Variants in LBH observed in about 807,000 individuals in gnomAD.
LBH encodes the protein protein LBH.
LBH carries 7 observed loss-of-function variants against 12.5 expected under a neutral mutation model. That is an observed-to-expected ratio of 0.56 (90% confidence interval 0.32 to 1.05). LBH has a LOEUF of 1.05. Among genes scored for constraint, LBH ranks in the 50% least tolerant of loss-of-function variants. The pLI, the probability that LBH is intolerant of heterozygous loss-of-function variation, is 0.04. For missense variants in LBH, 119 were observed against 138.9 expected (o/e 0.86, Z 0.72); for synonymous variants, 51 against 50.1 (o/e 1.02, Z -0.08).
At chr2:30,232,128 C>A in intron 1 of LBH, 1 of 1,545,500 alleles carries the variant, frequency 6.5e-7, no homozygotes, top group Non-Finnish European at 8.7e-7. Flanking sequence ...GGCTCCTGCT[C>A]TTCCCGGGCC....
At chr2:30,240,003 A>G (rs768068667) in intron 2 of LBH, among the ~76,000 whole-genome samples, 1 of 152,154 alleles carries the variant, frequency 6.6e-6, no homozygotes, top group Non-Finnish European at 1.5e-5. Flanking sequence ...CACGTTGCAT[A>G]CTAGGGCCAT....
chr2:30,233,534 G>C, intron 1 of LBH, among the ~76,000 whole-genome samples: 1 of 152,276 alleles, frequency 6.6e-6, no homozygotes. Flanking sequence ...ATTGGGTGCT[G>C]TGTAGCAGGT....
chr2:30,234,640 G>A (rs1242343735), intron 2 of LBH, 133 bp downstream of exon 2: 1 of 615,566 alleles, frequency 1.6e-6, no homozygotes, highest in Non-Finnish European at 2.9e-6. Flanking sequence ...CCTAATGCCA[G>A]TAAGCCTCAG....
intron 1 of LBH, chr2:30,232,119 G>T (rs758186776): frequency 1.9e-6 from 3 of 1,544,124 alleles, no homozygotes; most frequent in African/African-American, 2.8e-5. Context: ...GCGCAGGGGG[G>T]CTCCTGCTCT....
intron 1 of LBH, chr2:30,232,630 C>G (rs1159468633): frequency 6.1e-6 from 1 of 162,924 alleles, no homozygotes; most frequent in Admixed American, 6.4e-5. Context: ...GAGTCTCCGG[C>G]AGGCGCTGAG....
rs1189651299 is a variant in LBH, at chr2:30,259,597, G to A, written c.*1976G>A. On this transcript the variant is annotated 3_prime_UTR_variant, in exon 3 of 3. Transcript: ENST00000395323. ...CCTGTCCTGGTCTTGCTGTGTGATG[G>A]GAACATGCTTGTAAACTGCGTAACA... 1 of 152,596 alleles carries A rather than the reference G, an allele frequency of 6.6e-6. No homozygotes were observed. Among genetic ancestry groups the A allele is most frequent in the Non-Finnish European group, 1.5e-5 (1 of 68,098 alleles). 9.5% of individuals were successfully genotyped at this position (152,596 alleles called of 1,614,324 possible). A position where few individuals can be genotyped will look rare whatever the true frequency, so the allele number is the denominator to read the frequency against.
chr2:30,232,095 G>C (rs899347113), intron 1 of LBH: 3 of 1,535,114 alleles, frequency 2.0e-6, no homozygotes, highest in Non-Finnish European at 1.8e-6. Flanking sequence ...TGCAGGAGGC[G>C]CGCGCCCCAC....
chr2:30,254,432 G>T (rs561596451), intron 2 of LBH, among the ~76,000 whole-genome samples: 56 of 152,266 alleles, frequency 3.7e-4, no homozygotes, highest in Middle Eastern at 3.4e-3. Context: ...TAAGTTGGGG[G>T]GTGGTAACTA....
chr2:30,254,515 T>C (rs1678045396), intron 2 of LBH, among the ~76,000 whole-genome samples: 1 of 152,206 alleles, frequency 6.6e-6, no homozygotes, highest in Non-Finnish European at 1.5e-5. Flanking sequence ...ATTTTTTTCC[T>C]TATTTTAATG....
At chr2:30,254,871 A>T (rs1344048837) in intron 2 of LBH, among the ~76,000 whole-genome samples, 1 of 152,216 alleles carries the variant, frequency 6.6e-6, no homozygotes, top group Non-Finnish European at 1.5e-5. Context: ...TAAAACAAGC[A>T]TTGGGACTGG....
In LBH at chr2:30,237,648, C is replaced by T. The variant is rs376515652; in HGVS notation, c.129+3141C>T. 6.4e-4 allele frequency among the ~76,000 whole-genome samples: 98 copies of T among 152,300 alleles called. 2 individuals carry two copies. In the South Asian group the frequency reaches 0.017, roughly 26 times the overall value. On this transcript the variant is annotated intron_variant, in intron 2 of 2. Transcript: ENST00000395323. ...TGGAAAGGGCCTCCTCACGCTCATG[C>T]CTACCAAGGTTTCAGATAGATGCCC...
chr2:30,240,829 C>T (rs755146975), intron 2 of LBH, among the ~76,000 whole-genome samples: 19 of 152,188 alleles, frequency 1.2e-4, no homozygotes, highest in Non-Finnish European at 2.2e-4. Context: ...AGACCCCAAG[C>T]GTTTAGCTGA....
At chr2:30,244,325 ACTT>A (rs1312441253) in intron 2 of LBH, among the ~76,000 whole-genome samples, 1 of 152,184 alleles carries the variant, frequency 6.6e-6, no homozygotes, top group East Asian at 1.9e-4. Context: ...ATGCCAAATT[ACTT>A]CTTAATAATG....
intron 2 of LBH, chr2:30,256,483 GGT>G (rs1678087184): frequency 6.6e-6 from 1 of 152,158 alleles, no homozygotes; most frequent in South Asian, 2.1e-4. Context: ...GGGACAAGCT[GGT>G]GTTGGGGCAG....
intron 2 of LBH, among the ~76,000 whole-genome samples, chr2:30,249,251 A>G (rs1677931136): frequency 6.6e-6 from 1 of 152,264 alleles, no homozygotes; most frequent in Admixed American, 6.5e-5. Flanking sequence ...GGAGGCAAGT[A>G]TTTCAAAGAC....
In LBH at chr2:30,231,850, G is replaced by T. The variant is rs993279684; in HGVS notation, c.26+86G>T. ...CCTGCTTCGTGCCGGCTCCGGGTGC[G>T]AGGGCAGCCGGCGGCGCGGGCGCTC... On this transcript the variant is annotated intron_variant, in intron 1 of 2. Coordinates refer to ENST00000395323, the MANE Select transcript of LBH (RefSeq NM_030915.4). 370 of 1,241,312 alleles carry T rather than the reference G, an allele frequency of 3.0e-4. 1 individual carries two copies. The highest frequency in any genetic ancestry group is 2.9e-3 in the South Asian group (147 of 50,290). 76.9% of individuals were successfully genotyped at this position (1,241,312 alleles called of 1,614,324 possible).
At chr2:30,257,364 C>A in intron 2 of LBH, 69 bp from the exon 3 acceptor site, 10 of 1,553,848 alleles carry the variant, frequency 6.4e-6, no homozygotes, top group Non-Finnish European at 8.8e-6. Flanking sequence ...CATGGATGTG[C>A]AAAGAAGGAA....
At chr2:30,246,716 A>T (rs1461636836) in intron 2 of LBH, among the ~76,000 whole-genome samples, 2 of 146,574 alleles carry the variant, frequency 1.4e-5, no homozygotes, top group South Asian at 2.1e-4. Context: ...TTGGTACTTC[A>T]CTAGTTTTTT....
chr2:30,232,153 T>C, intron 1 of LBH: 3 of 1,537,148 alleles, frequency 2.0e-6, no homozygotes, highest in Non-Finnish European at 2.6e-6. Flanking sequence ...CTCTTTTTCT[T>C]TTTGTTTGCA....
Sources: allele counts gnomAD v4.1 joint callset (sites outside exome capture counted in the v4.1 genomes callset), GRCh38; gene constraint gnomAD v4.1.1; transcripts MANE v1.5; gene names NCBI Gene and HGNC (gene_info 2026-07-23, HGNC 2026-07-21).